The following FUT8 variants were observed in gnomAD, a reference collection of about 807,000 sequenced individuals.
FUT8 encodes the protein fucosyltransferase 8.
FUT8 carries 29 observed loss-of-function variants against 71.3 expected under a neutral mutation model. The observed-to-expected ratio is 0.41, with a 90% CI of 0.30 to 0.55. FUT8 has a LOEUF of 0.55. Ranked by LOEUF, FUT8 falls within the 20% of genes least tolerant of loss-of-function variation. The probability of loss-of-function intolerance (pLI) is 0.34; values close to 1 mark genes in which losing one functional copy is unlikely to be tolerated. For missense variants in FUT8, 544 were observed against 702.1 expected (o/e 0.77, Z 2.55); for synonymous variants, 254 against 239.3 (o/e 1.06, Z -0.57).
At chr14:65,658,394 C>T (rs1453688661) in intron 6 of FUT8, among the ~76,000 whole-genome samples, 1 of 152,104 alleles carries the variant, frequency 6.6e-6, no homozygotes, top group South Asian at 2.1e-4. Context: ...TCTCCATAAA[C>T]ATACCATTAC....
intron 3 of FUT8, among the ~76,000 whole-genome samples, chr14:65,594,412 C>T (rs1285657222): frequency 4.6e-5 from 7 of 152,136 alleles, no homozygotes; most frequent in South Asian, 2.1e-4. Context: ...GGGGTTTCTA[C>T]GACCCCAAGG....
chr14:65,433,832 G>C (rs1037473315), intron 1 of FUT8, among the ~76,000 whole-genome samples: 1 of 137,336 alleles, frequency 7.3e-6, no homozygotes, highest in Non-Finnish European at 1.5e-5. Context: ...GTGTTGCCCA[G>C]GTTGGAACAC....
the FUT8 span, among the ~76,000 whole-genome samples, chr14:65,365,469 G>C: frequency 6.6e-6 from 1 of 152,026 alleles, no homozygotes; most frequent in Admixed American, 6.6e-5. Context: ...AGACCTACTG[G>C]GCTGCCTTCC....
At chr14:65,710,515 T>A (rs556734097) in intron 7 of FUT8, among the ~76,000 whole-genome samples, 5 of 152,242 alleles carry the variant, frequency 3.3e-5, no homozygotes, top group African/African-American at 4.8e-5. Context: ...TTTTCTTCTA[T>A]AAGTGTAAAT....
intron 2 of FUT8, among the ~76,000 whole-genome samples, chr14:65,491,060 G>T (rs1002975760): frequency 9.2e-5 from 14 of 152,052 alleles, no homozygotes; most frequent in Admixed American, 5.9e-4. Flanking sequence ...GCCTGTATTT[G>T]CATTGGACCA....
At chr14:65,563,627 C>A (rs1886034071) in intron 3 of FUT8, among the ~76,000 whole-genome samples, 1 of 151,966 alleles carries the variant, frequency 6.6e-6, no homozygotes. Flanking sequence ...CCTTCTATAT[C>A]ATGGGAATTT....
chr14:65,680,874 C>CA (rs768143212), intron 7 of FUT8, among the ~76,000 whole-genome samples: 9 of 152,154 alleles, frequency 5.9e-5, no homozygotes, highest in Non-Finnish European at 1.3e-4. Context: ...ATATAAGCTC[C>CA]TTCACATAAA....
intron 3 of FUT8, among the ~76,000 whole-genome samples, chr14:65,563,289 A>C (rs938909708): frequency 1.3e-5 from 2 of 152,064 alleles, no homozygotes; most frequent in African/African-American, 4.8e-5. Context: ...CATGCCAGGT[A>C]CTGTGCCAAG....
chr14:65,582,497 G>C (rs948565916), intron 3 of FUT8, among the ~76,000 whole-genome samples: 7 of 152,018 alleles, frequency 4.6e-5, no homozygotes, highest in African/African-American at 1.7e-4. Flanking sequence ...TACTGATTCA[G>C]CCCCATCCCC....
chr14:65,382,405 C>T, the FUT8 span, among the ~76,000 whole-genome samples: 1 of 152,116 alleles, frequency 6.6e-6, no homozygotes, highest in East Asian at 1.9e-4. Context: ...GGCGTGATCT[C>T]GGCTCACTGA....
intron 3 of FUT8, among the ~76,000 whole-genome samples, chr14:65,591,729 G>A (rs1887695693): frequency 6.6e-6 from 1 of 152,014 alleles, no homozygotes; most frequent in Non-Finnish European, 1.5e-5. Flanking sequence ...AATGCTTTAT[G>A]AAGGAGCTCC....
intron 7 of FUT8, among the ~76,000 whole-genome samples, chr14:65,688,744 T>A (rs2140429499): frequency 6.6e-6 from 1 of 152,272 alleles, no homozygotes; most frequent in African/African-American, 2.4e-5. Context: ...GATTGCTGGA[T>A]CATATGGCAA....
At chr14:65,688,357 T>C (rs1381937713) in intron 7 of FUT8, among the ~76,000 whole-genome samples, 2 of 152,070 alleles carry the variant, frequency 1.3e-5, no homozygotes, top group African/African-American at 4.8e-5. Flanking sequence ...GTGTTTTTTT[T>C]CTGACTGGCT....
At chr14:65,739,756 G>A (rs1896401274) in intron 10 of FUT8, among the ~76,000 whole-genome samples, 1 of 152,012 alleles carries the variant, frequency 6.6e-6, no homozygotes, top group South Asian at 2.1e-4. Flanking sequence ...ATTTACAAGA[G>A]AAAATATATA....
In FUT8 at chr14:65,555,597, G is replaced by A. The variant is rs189014935; in HGVS notation, c.-227-5740G>A. 2.8e-3 allele frequency among the ~76,000 whole-genome samples: 432 copies of A among 152,274 alleles called. 2 individuals are homozygous for A. The highest frequency in any genetic ancestry group is 9.9e-3 in the African/African-American group (411 of 41,564). On this transcript the variant is annotated intron_variant, in intron 2 of 10. Coordinates refer to ENST00000673929, the MANE Select transcript of FUT8 (RefSeq NM_001371533.1). ...GTCTTCTCACCTGAGGAAGATGGCT[G>A]TGTTTTGTTTGGGTTCTTCCTTTCT...
chr14:65,502,621 G>GT (rs1224898808), intron 2 of FUT8, among the ~76,000 whole-genome samples: 1 of 152,106 alleles, frequency 6.6e-6, no homozygotes, highest in Non-Finnish European at 1.5e-5. Flanking sequence ...AGGTATTTCT[G>GT]TTTTTTAAAA....
At chr14:65,449,549 C>T (rs909029697) in intron 1 of FUT8, among the ~76,000 whole-genome samples, 1 of 152,172 alleles carries the variant, frequency 6.6e-6, no homozygotes, top group Non-Finnish European at 1.5e-5. Context: ...TGTCAGTGTG[C>T]TTTTCTCTTC....
the FUT8 span, among the ~76,000 whole-genome samples, chr14:65,376,101 A>AT: frequency 6.6e-6 from 1 of 151,796 alleles, no homozygotes; most frequent in Non-Finnish European, 1.5e-5. Context: ...AAAAAAAAAA[A>AT]AATAATAAAA....
intron 2 of FUT8, among the ~76,000 whole-genome samples, chr14:65,554,308 A>G (rs1410605263): frequency 6.6e-6 from 1 of 151,264 alleles, no homozygotes; most frequent in Non-Finnish European, 1.5e-5. Flanking sequence ...TATATCAATT[A>G]CAATTATTCT....
Sources: allele counts gnomAD v4.1 joint callset (sites outside exome capture counted in the v4.1 genomes callset), GRCh38; gene constraint gnomAD v4.1.1; transcripts MANE v1.5; gene names NCBI Gene and HGNC (gene_info 2026-07-23, HGNC 2026-07-21).